The following PITPNC1 variants were observed in gnomAD, a reference collection of about 807,000 sequenced individuals.
The protein encoded by PITPNC1 is cytoplasmic phosphatidylinositol transfer protein 1.
A neutral mutation model predicts 44.7 loss-of-function variants in PITPNC1; 18 were observed. The observed-to-expected ratio is 0.40, with a 90% CI of 0.28 to 0.60. PITPNC1 has a LOEUF of 0.60. Among genes scored for constraint, PITPNC1 ranks in the 20% least tolerant of loss-of-function variants. The pLI is 0.39. For synonymous variants in PITPNC1, 141 were observed against 149.6 expected, an observed-to-expected ratio of 0.94 and a Z score of 0.42; for missense variants, 290 against 418.4, an observed-to-expected ratio of 0.69 and a Z score of 2.68.
At chr17:67,426,673 C>T (rs1278006543) in intron 1 of PITPNC1, among the ~76,000 whole-genome samples, 1 of 152,098 alleles carries the variant, frequency 6.6e-6, no homozygotes, top group Non-Finnish European at 1.5e-5. Context: ...CACCATGGCA[C>T]ACATATACCT....
intron 1 of PITPNC1, among the ~76,000 whole-genome samples, chr17:67,531,370 C>T (rs191097490): frequency 2.6e-4 from 40 of 152,324 alleles, no homozygotes; most frequent in Middle Eastern, 3.4e-3. Flanking sequence ...CATACGCTCA[C>T]GTTAAAAGCG....
chr17:67,550,905 C>G (rs1392857449), intron 2 of PITPNC1, among the ~76,000 whole-genome samples: 1 of 151,956 alleles, frequency 6.6e-6, no homozygotes, highest in East Asian at 1.9e-4. Flanking sequence ...ACTAAAAATA[C>G]AAAAAATTAG....
chr17:67,631,657 A>AAAAAATATATATATATATAT (rs1555574522), intron 5 of PITPNC1, among the ~76,000 whole-genome samples: 2 of 7,680 alleles, frequency 2.6e-4, no homozygotes, highest in Non-Finnish European at 5.9e-4. Context: ...AAAAAAAAAA[A>AAAAAATATATATATATATAT]ATATATATAT....
chr17:67,560,904 CAG>C (rs2040898547), intron 4 of PITPNC1, among the ~76,000 whole-genome samples: 1 of 152,158 alleles, frequency 6.6e-6, no homozygotes. Flanking sequence ...GCAGAGAATA[CAG>C]AGTTGTTTAA....
chr17:67,563,305 G>A (rs1222096189), intron 4 of PITPNC1, among the ~76,000 whole-genome samples: 1 of 152,128 alleles, frequency 6.6e-6, no homozygotes, highest in Non-Finnish European at 1.5e-5. Flanking sequence ...GGATAGCAGG[G>A]AACACGTTCT....
intron 1 of PITPNC1, among the ~76,000 whole-genome samples, chr17:67,436,027 T>A (rs1255137650): frequency 6.6e-6 from 1 of 152,170 alleles, no homozygotes; most frequent in Middle Eastern, 3.2e-3. Flanking sequence ...CTTGCTGCTC[T>A]GTTGCCCCAG....
chr17:67,381,578 T>C lies in PITPNC1; in HGVS notation c.48+3376T>C, dbSNP rs370553572. Among the ~76,000 whole-genome samples, 25 of 151,506 alleles carry C rather than the reference T, an allele frequency of 1.7e-4. 1 individual carries two copies. The South Asian group carries it at 4.8e-3, about 29-fold the overall frequency. ...ACCTCCCGGGTTCACGCGAGTCTCC[T>C]GCCTCAGCCTCCCGAGTAGCTGGGA... On this transcript the variant is annotated intron_variant, in intron 1 of 8. Coordinates refer to ENST00000581322, the MANE Select transcript of PITPNC1 (RefSeq NM_012417.4).
At chr17:67,385,426 A>G (rs1389719088) in intron 1 of PITPNC1, among the ~76,000 whole-genome samples, 1 of 152,106 alleles carries the variant, frequency 6.6e-6, no homozygotes, top group East Asian at 1.9e-4. Flanking sequence ...TGTAAAATGG[A>G]CCAATCAGCA....
intron 5 of PITPNC1, among the ~76,000 whole-genome samples, chr17:67,599,027 TATA>T (rs2041502754): frequency 8.9e-5 from 3 of 33,682 alleles, no homozygotes; most frequent in African/African-American, 2.7e-4. Flanking sequence ...TATATATATA[TATA>T]TATATTTTTT....
At chr17:67,545,607 A>G (rs6504515) in intron 2 of PITPNC1, among the ~76,000 whole-genome samples, 14,848 of 152,136 alleles carry the variant, frequency 0.098, 708 homozygotes, top group Non-Finnish European at 0.11. Context: ...GGGTCTCTCT[A>G]TCCATTTATT....
intron 1 of PITPNC1, among the ~76,000 whole-genome samples, chr17:67,430,727 G>A (rs900687085): frequency 6.6e-6 from 1 of 151,006 alleles, no homozygotes; most frequent in African/African-American, 2.4e-5. Flanking sequence ...GCTGAGGTGG[G>A]AGGATCAGTT....
At chr17:67,605,800 T>A (rs1029455138) in intron 5 of PITPNC1, among the ~76,000 whole-genome samples, 1 of 152,160 alleles carries the variant, frequency 6.6e-6, no homozygotes, top group East Asian at 1.9e-4. Context: ...CTTGTGGAGC[T>A]CCTTTTAAGT....
At chr17:67,408,189 G>A (rs1296772999) in intron 1 of PITPNC1, among the ~76,000 whole-genome samples, 3 of 152,030 alleles carry the variant, frequency 2.0e-5, no homozygotes, top group Non-Finnish European at 2.9e-5. Flanking sequence ...CCTGAGCTCA[G>A]GCAGTCCACC....
At chr17:67,545,297 G>C (rs1269053672) in intron 2 of PITPNC1, among the ~76,000 whole-genome samples, 1 of 152,198 alleles carries the variant, frequency 6.6e-6, no homozygotes, top group Non-Finnish European at 1.5e-5. Context: ...GGGTGACAAA[G>C]TGAGACCCTG....
At chr17:67,483,917 T>C (rs1273021120) in intron 1 of PITPNC1, among the ~76,000 whole-genome samples, 1 of 120,764 alleles carries the variant, frequency 8.3e-6, no homozygotes, top group African/African-American at 3.1e-5. Flanking sequence ...ACGTTTTCTT[T>C]CTTTTTTTTT....
chr17:67,673,644 T>C lies in PITPNC1; in HGVS notation c.619-1835T>C, dbSNP rs567767594. Among the ~76,000 whole-genome samples the C allele has an allele frequency of 3.3e-5, 5 of 152,218 alleles. No homozygotes were observed. The South Asian group carries it at 1.0e-3, about 32-fold the overall frequency. On this transcript the variant is annotated intron_variant, in intron 7 of 8. Transcript: ENST00000581322. ...TTTACTTATCTTGTATCTCACACAT[T>C]CATTTATGCTTGTTTAAAAATTGAG...
At chr17:67,503,668 TA>T (rs2040064848) in intron 1 of PITPNC1, among the ~76,000 whole-genome samples, 1 of 152,292 alleles carries the variant, frequency 6.6e-6, no homozygotes, top group African/African-American at 2.4e-5. Flanking sequence ...TTATATATCT[TA>T]TTTTTTAGAG....
At chr17:67,448,468 T>G (rs769947818) in intron 1 of PITPNC1, among the ~76,000 whole-genome samples, 7 of 152,150 alleles carry the variant, frequency 4.6e-5, no homozygotes, top group Non-Finnish European at 1.0e-4. Context: ...TTCGCTGGCA[T>G]GTAGCTGCAG....
chr17:67,680,432 T>C (rs540787591), intron 8 of PITPNC1, among the ~76,000 whole-genome samples: 1 of 152,220 alleles, frequency 6.6e-6, no homozygotes, highest in Admixed American at 6.5e-5. Context: ...AAACTCCGTC[T>C]CTACTGAAAA....
Sources: allele counts gnomAD v4.1 joint callset (sites outside exome capture counted in the v4.1 genomes callset), GRCh38; gene constraint gnomAD v4.1.1; transcripts MANE v1.5; gene names NCBI Gene and HGNC (gene_info 2026-07-23, HGNC 2026-07-21).